The following FOXK1 variants were observed in gnomAD, a reference collection of about 807,000 sequenced individuals.
FOXK1 encodes the protein forkhead box protein K1.
A neutral mutation model predicts 51.9 loss-of-function variants in FOXK1; 19 were observed. The ratio of observed to expected loss-of-function variants is 0.37; its 90% CI spans 0.26 to 0.54. The LOEUF (loss-of-function observed/expected upper bound fraction) is 0.54. FOXK1 is among the 20% of genes least tolerant of loss of function. The probability of loss-of-function intolerance (pLI) is 0.87; values close to 1 mark genes in which losing one functional copy is unlikely to be tolerated. For missense variants in FOXK1, 870 were observed against 1,032.7 expected (o/e 0.84, Z 2.16); for synonymous variants, 537 against 482.6 (o/e 1.11, Z -1.48).
chr7:4,703,375 G>C lies in FOXK1; in HGVS notation c.560+20507G>C, dbSNP rs1289560332. Among the ~76,000 whole-genome samples, 1 of 152,182 alleles carries C rather than the reference G, an allele frequency of 6.6e-6. No individual in the cohort carries two copies. Among genetic ancestry groups the C allele is most frequent in the African/African-American group, 2.4e-5 (1 of 41,452 alleles). ...TGTGACAGCCTGGCTCTCAGGGGAT[G>C]GGAGGACAACTCGCTGAAGTTCGTG... On this transcript the variant is annotated intron_variant, in intron 1 of 8. Transcript: ENST00000328914. The surrounding 1 kb of genome is among the most constrained non-coding windows in gnomAD (Gnocchi z 5.6).
rs1308327419 is a variant in FOXK1 at position 4,735,160 on chromosome 7, G to T, written c.561-5678G>T. ...CTCAGCACTGGTGGAGCGGTGGCCA[G>T]TTCCAGCTCGCTGTGTAGAGACGGC... is the stretch of plus-strand genomic sequence containing the variant. On this transcript the variant is annotated intron_variant, in intron 1 of 8. Coordinates refer to ENST00000328914, the MANE Select transcript of FOXK1 (RefSeq NM_001037165.2). This position sits in a 1 kb window ranked among gnomAD's most constrained non-coding sequence, Gnocchi z 4.7. Among the ~76,000 whole-genome samples, 1 of 152,170 alleles carries T rather than the reference G, an allele frequency of 6.6e-6. No individual in the cohort carries two copies. Among genetic ancestry groups the T allele is most frequent in the Admixed American group, 6.6e-5 (1 of 15,264 alleles).
chr7:4,685,798 C>G (rs1779811162), intron 1 of FOXK1, among the ~76,000 whole-genome samples: 1 of 151,874 alleles, frequency 6.6e-6, no homozygotes, highest in African/African-American at 2.4e-5. Flanking sequence ...CAAAAATTAG[C>G]TTGGCGTGGT....
chr7:4,753,329 C>G lies in FOXK1; in HGVS notation c.747-1130C>G, dbSNP rs1252675488. Reference sequence around the variant, plus strand: ...TTTTGGAGATCTAGGAGTCTTGTGCCTGGACAGTTAGGGAAGGATGTTCCT... The same window carrying G: ...TTTTGGAGATCTAGGAGTCTTGTGCGTGGACAGTTAGGGAAGGATGTTCCT... On this transcript the variant is annotated intron_variant, in intron 2 of 8. Transcript: ENST00000328914. This position sits in a 1 kb window ranked among gnomAD's most constrained non-coding sequence, Gnocchi z 4.9. Among the ~76,000 whole-genome samples, 3 of 152,090 alleles carry G rather than the reference C, an allele frequency of 2.0e-5. No homozygotes were observed. The highest frequency in any genetic ancestry group is 4.4e-5 in the Non-Finnish European group (3 of 68,010).
intron 1 of FOXK1, among the ~76,000 whole-genome samples, chr7:4,718,096 A>G: frequency 6.6e-6 from 1 of 152,146 alleles, no homozygotes; most frequent in East Asian, 1.9e-4. Flanking sequence ...CACACTTTCC[A>G]TTTGGAAACA....
At chr7:4,695,804 C>T (rs903678218) in intron 1 of FOXK1, among the ~76,000 whole-genome samples, 26 of 152,194 alleles carry the variant, frequency 1.7e-4, no homozygotes, top group African/African-American at 6.0e-4. Flanking sequence ...GGCGTGGTGG[C>T]GCATGCCTGT....
rs886957764 is a variant in FOXK1 at position 4,707,334 on chromosome 7, G to A, written c.560+24466G>A. 1.3e-5 allele frequency among the ~76,000 whole-genome samples: 2 copies of A among 152,208 alleles called. No individual in the cohort carries two copies. The highest frequency in any genetic ancestry group is 1.9e-4 in the East Asian group (1 of 5,180). On this transcript the variant is annotated intron_variant, in intron 1 of 8. Transcript: ENST00000328914. The surrounding 1 kb of genome is among the most constrained non-coding windows in gnomAD (Gnocchi z 4.1). ...AACTCTTGTGATGAATGGGCCATCC[G>A]GGATAAACAGATGGGACGGAGAGTG...
At chr7:4,708,063 T>C (rs2115039454) in intron 1 of FOXK1, among the ~76,000 whole-genome samples, 1 of 152,026 alleles carries the variant, frequency 6.6e-6, no homozygotes, top group South Asian at 2.1e-4. Context: ...TAGTAACTGG[T>C]GGGGAGTGAA....
chr7:4,708,034 C>G (rs943893972), intron 1 of FOXK1, among the ~76,000 whole-genome samples: 3 of 151,890 alleles, frequency 2.0e-5, no homozygotes, highest in Admixed American at 6.6e-5. Flanking sequence ...AGAGAGTGCC[C>G]TGGTGCTGGG....
chr7:4,757,166 C>G lies in FOXK1; in HGVS notation c.1223C>G (p.Pro408Arg), dbSNP rs769440921. The change falls in exon 5 of 9, where the codon CCC (proline) becomes CGC (arginine). Residue 408 changes from proline (P) to arginine (R), a missense_variant. Coordinates refer to ENST00000328914, the MANE Select transcript of FOXK1 (RefSeq NM_001037165.2). The part of the protein sequence containing the change: ...RQRGVSCFRT[P>R]FGPLSSRSAP... ...AGGGGTGTCTCCTGCTTCCGCACCC[C>G]CTTCGGGCCTCTGTCCTCAAGGTAA... 5 of 1,609,444 alleles carry G rather than the reference C, an allele frequency of 3.1e-6. No individual in the cohort carries two copies. The highest frequency in any genetic ancestry group is 2.2e-5 in the East Asian group (1 of 44,826).
chr7:4,704,028 A>G (rs1405148571), intron 1 of FOXK1, among the ~76,000 whole-genome samples: 1 of 152,232 alleles, frequency 6.6e-6, no homozygotes, highest in Admixed American at 6.5e-5. Context: ...TGAATTACTC[A>G]TGGTGAGGCT....
Position 4,758,716 on chromosome 7 carries a change from T to G in FOXK1, c.1245-335T>G. The G allele has an allele frequency of 6.8e-6, 2 of 295,764 alleles. No individual in the cohort carries two copies. Among genetic ancestry groups the G allele is most frequent in the Non-Finnish European group, 6.3e-6 (1 of 159,554 alleles). 18.3% of individuals were successfully genotyped at this position (295,764 alleles called of 1,614,324 possible). A position where few individuals can be genotyped will look rare whatever the true frequency, so the allele number is the denominator to read the frequency against. ...GTTGCGCCCACCAAACAGAAGCTTA[T>G]GTTTTTGGCACAGAAGGCCTGGGCC... On this transcript the variant is annotated intron_variant, in intron 5 of 8. Transcript: ENST00000328914. This position sits in a 1 kb window ranked among gnomAD's most constrained non-coding sequence, Gnocchi z 4.4.
intron 7 of FOXK1, 112 bp downstream of exon 7, chr7:4,759,707 T>C: frequency 8.0e-7 from 1 of 1,252,514 alleles, no homozygotes; most frequent in South Asian, 1.5e-5. Context: ...AGGATGATTC[T>C]CTGCTTCTGC....
At chr7:4,727,040 G>C (rs879910006) in intron 1 of FOXK1, among the ~76,000 whole-genome samples, 13 of 152,110 alleles carry the variant, frequency 8.5e-5, no homozygotes, top group Non-Finnish European at 1.6e-4. Context: ...GAATTCCTGG[G>C]CTCAAGTGAT....
Position 4,761,296 on chromosome 7 carries a change from C to A in FOXK1, c.1921+8C>A, listed in dbSNP as rs1340538072. 6.2e-7 allele frequency: 1 copy of A among 1,609,158 alleles called. No individual in the cohort carries two copies. The highest frequency in any genetic ancestry group is 1.7e-5 in the Admixed American group (1 of 59,760). On this transcript the variant is annotated splice_region_variant and intron_variant, in intron 8 of 8. Coordinates refer to ENST00000328914, the MANE Select transcript of FOXK1 (RefSeq NM_001037165.2). This position sits in a 1 kb window ranked among gnomAD's most constrained non-coding sequence, Gnocchi z 6.2. Reference sequence around the variant, plus strand: ...TAGCCGGCAACGCTTACGGTGAGGCCCTGGCCCTGTTCTCCATGCCACATC... The same window carrying A: ...TAGCCGGCAACGCTTACGGTGAGGCACTGGCCCTGTTCTCCATGCCACATC...
At chr7:4,700,390 G>T (rs181997044) in intron 1 of FOXK1, among the ~76,000 whole-genome samples, 2 of 152,232 alleles carry the variant, frequency 1.3e-5, no homozygotes, top group African/African-American at 4.8e-5. Context: ...TAAAGGTCTG[G>T]CTTTTGCTGA....
At position 4,683,876 on chromosome 7, in the gene FOXK1, G is replaced by A. The variant is rs967407110; in HGVS notation, c.560+1008G>A. Among the ~76,000 whole-genome samples the A allele has an allele frequency of 2.0e-5, 3 of 152,190 alleles. No individual in the cohort carries two copies. Among genetic ancestry groups the A allele is most frequent in the African/African-American group, 7.2e-5 (3 of 41,454 alleles). On this transcript the variant is annotated intron_variant, in intron 1 of 8. Coordinates refer to ENST00000328914, the MANE Select transcript of FOXK1 (RefSeq NM_001037165.2). This position sits in a 1 kb window ranked among gnomAD's most constrained non-coding sequence, Gnocchi z 4.5. ...TGTGCTGAAGGAGCAGAGGCCTGGC[G>A]GGGAGGGGCGAGGACAGGAAGCCTG...
At position 4,749,947 on chromosome 7, in the gene FOXK1, C is replaced by G. The variant is rs1049680093; in HGVS notation, c.747-4512C>G. 2.0e-5 allele frequency among the ~76,000 whole-genome samples: 3 copies of G among 152,248 alleles called. No individual in the cohort carries two copies. The highest frequency in any genetic ancestry group is 7.2e-5 in the African/African-American group (3 of 41,472). On this transcript the variant is annotated intron_variant, in intron 2 of 8. Coordinates refer to ENST00000328914, the MANE Select transcript of FOXK1 (RefSeq NM_001037165.2). The surrounding 1 kb of genome is among the most constrained non-coding windows in gnomAD (Gnocchi z 6.0). ...TGCAGTCTCCCTGCACTGGCATGTC[C>G]TGGGTGGTCCCAGTGGCACCTTCTA...
chr7:4,744,978 C>G (rs1780682823), intron 2 of FOXK1, among the ~76,000 whole-genome samples: 2 of 152,246 alleles, frequency 1.3e-5, no homozygotes, highest in African/African-American at 4.8e-5. Context: ...GTTTAGAAAC[C>G]TCAGAGGCCC....
At chr7:4,695,877 G>A (rs12112771) in intron 1 of FOXK1, among the ~76,000 whole-genome samples, 7,429 of 151,658 alleles carry the variant, frequency 0.049, 592 homozygotes, top group African/African-American at 0.17. Context: ...GAGAGATTGC[G>A]GTGAGCCGAG....
Sources: allele counts gnomAD v4.1 joint callset (sites outside exome capture counted in the v4.1 genomes callset), GRCh38; gene constraint gnomAD v4.1.1; non-coding constraint Gnocchi (gnomAD v3.1); transcripts MANE v1.5; gene names NCBI Gene and HGNC (gene_info 2026-07-23, HGNC 2026-07-21).